NSDHL: variants seen among roughly 807,000 people sequenced by gnomAD.
NSDHL encodes the protein NAD(P) dependent 3-beta-hydroxysteroid dehydrogenase NSDHL, also known as sterol-4-alpha-carboxylate 3-dehydrogenase, decarboxylating.
NSDHL carries 1 observed loss-of-function variant against 23.0 expected under a neutral mutation model. That is an observed-to-expected ratio of 0.04 (90% CI 0.02 to 0.21). The LOEUF (loss-of-function observed/expected upper bound fraction) is 0.21, where lower values mean the gene tolerates loss of function less well. NSDHL is among the 10% of genes least tolerant of loss of function. The pLI is 1.00. For synonymous variants in NSDHL, 128 were observed against 121.1 expected (o/e 1.06, Z -0.37); for missense variants, 237 against 300.9 (o/e 0.79, Z 1.57).
At position 152,847,311 on chromosome X, in the gene NSDHL, C is replaced by CAAACA. The variant is rs782651921; in HGVS notation, c.108+897_108+901dup. On this transcript the variant is annotated intron_variant, in intron 2 of 7. Transcript: ENST00000370274. ...GAGCGAGACTCTGTCTCAAAACAAA[C>CAAACA]AAACAAAACAAAACAAAACAAACAA... is the stretch of plus-strand genomic sequence containing the variant. Among the ~76,000 whole-genome samples, 7 of 111,789 alleles carry CAAACA rather than the reference C, an allele frequency of 6.3e-5. No individual in the cohort carries two copies. The South Asian group carries it at 1.5e-3, about 24-fold the overall frequency.
intron 4 of NSDHL, among the ~76,000 whole-genome samples, chrX:152,861,557 C>G (rs1556847532): frequency 8.8e-6 from 1 of 113,054 alleles, no homozygotes. Context: ...CCAGCTGAGA[C>G]TGCTGTTGTA....
rs188480335 is a variant in NSDHL at position 152,834,982 on chromosome X, A to C, written c.-44+3865A>C. Among the ~76,000 whole-genome samples the C allele has an allele frequency of 7.6e-4, 81 of 106,153 alleles. 1 individual carries two copies. The East Asian group carries it at 0.022, about 29-fold the overall frequency. The allele number at this position is 106,153 out of a possible 115,157, so 92.2% of individuals were successfully genotyped here. Reference sequence around the variant, plus strand: ...GCTCCGACAACCTTTCCCCTTTACAAAGATGTCACACTTCTTTCTAGAAGG... The same window carrying C: ...GCTCCGACAACCTTTCCCCTTTACACAGATGTCACACTTCTTTCTAGAAGG... On this transcript the variant is annotated intron_variant, in intron 1 of 7. Coordinates refer to ENST00000370274, the MANE Select transcript of NSDHL (RefSeq NM_015922.3).
intron 3 of NSDHL, among the ~76,000 whole-genome samples, chrX:152,853,090 C>T (rs782757521): frequency 1.9e-4 from 20 of 107,649 alleles, no homozygotes; most frequent in Middle Eastern, 9.7e-3. Flanking sequence ...CTGATGTGCT[C>T]CCTGCTTGTT....
intron 1 of NSDHL, among the ~76,000 whole-genome samples, chrX:152,832,294 G>A (rs1309934805): frequency 3.6e-5 from 4 of 111,879 alleles, no homozygotes; most frequent in African/African-American, 1.3e-4. Context: ...CTGACCTACT[G>A]TATATTTTGC....
At chrX:152,855,028 G>A (rs183753805) in intron 3 of NSDHL, among the ~76,000 whole-genome samples, 1 of 100,537 alleles carries the variant, frequency 9.9e-6, no homozygotes, top group East Asian at 3.1e-4. Context: ...GGAGTCTTGC[G>A]CTGTCGCCCA....
chrX:152,835,989 C>T (rs1556844039), intron 1 of NSDHL, among the ~76,000 whole-genome samples: 1 of 112,190 alleles, frequency 8.9e-6, no homozygotes, highest in African/African-American at 3.2e-5. Context: ...TTAAAGATCG[C>T]CATTCTAACT....
At chrX:152,836,019 T>C (rs1331150585) in intron 1 of NSDHL, among the ~76,000 whole-genome samples, 4 of 112,467 alleles carry the variant, frequency 3.6e-5, no homozygotes, top group African/African-American at 1.3e-4. Flanking sequence ...TGGTATCTCA[T>C]TGTGGTTTTG....
Position 152,869,015 on chromosome X carries a change from G to A in NSDHL, c.1021G>A (p.Glu341Lys), listed in dbSNP as rs782208947. The change falls in exon 8 of 8, where the codon GAG becomes AAG. Residue 341 changes from glutamate to lysine, a missense_variant. By Grantham distance (56) the Glu-to-Lys change is moderately conservative. Around this residue, in one of 3 missense-constraint regions of NSDHL, gnomAD observed 117 missense variants for 99.5 expected, o/e 1.18. Coordinates refer to ENST00000370274, the MANE Select transcript of NSDHL (RefSeq NM_015922.3). The stretch of plus-strand genomic sequence containing the variant: ...TGGCACATTCCACTACTACAGCTGC[G>A]AGAGAGCCAAAAAGGCCATGGGCTA... ...LAGTFHYYSC[E>K]RAKKAMGYQP... 3 of 1,211,645 alleles carry A rather than the reference G, an allele frequency of 2.5e-6. No individual in the cohort carries two copies. The highest frequency in any genetic ancestry group is 2.3e-4 in the Middle Eastern group (1 of 4,355).
At chrX:152,832,037 A>G (rs782110262) in intron 1 of NSDHL, among the ~76,000 whole-genome samples, 1 of 111,314 alleles carries the variant, frequency 9.0e-6, no homozygotes, top group African/African-American at 3.3e-5. Context: ...TGTGATCTCC[A>G]AAGCTTGGCA....
intron 4 of NSDHL, among the ~76,000 whole-genome samples, chrX:152,859,954 T>G (rs1433159212): frequency 3.6e-5 from 4 of 112,532 alleles, no homozygotes; most frequent in East Asian, 2.8e-4. Context: ...GTTCTTAGAA[T>G]TGTCTTTAGA....
chrX:152,868,976 C>T lies in NSDHL; in HGVS notation c.982C>T (p.Arg328Trp). ...IQLQPTFTPM[R>W]VALAGTFHYY... is the part of the protein sequence containing the mutation. ...GCTGCAGCCCACCTTCACACCCATG[C>T]GGGTCGCACTGGCTGGCACATTCCA... The change falls in exon 8 of 8, where the codon CGG (arginine) becomes TGG (tryptophan). Residue 328 changes from arginine (R) to tryptophan (W), a missense_variant. Arg to Trp is a moderately radical substitution (Grantham distance 101, BLOSUM62 -3). Transcript: ENST00000370274. 1.7e-6 allele frequency: 2 copies of T among 1,211,811 alleles called. No homozygotes were observed. Among genetic ancestry groups the T allele is most frequent in the Non-Finnish European group, 2.2e-6 (2 of 895,408 alleles).
chrX:152,850,450 T>C (rs907210086), intron 3 of NSDHL, 27 bp downstream of exon 3: 5 of 1,200,288 alleles, frequency 4.2e-6, no homozygotes, highest in Middle Eastern at 2.4e-4. Flanking sequence ...CCTTGCTGAT[T>C]TCCCACGAGC....
At position 152,869,052 on chromosome X, in the gene NSDHL, T is replaced by C. The variant is rs2125017673; in HGVS notation, c.1058T>C (p.Val353Ala). 8.3e-7 allele frequency: 1 copy of C among 1,212,056 alleles called. No individual in the cohort carries two copies. Among genetic ancestry groups the C allele is most frequent in the Non-Finnish European group, 1.1e-6 (1 of 895,465 alleles). ...AAGGCCATGGGCTACCAGCCACTAG[T>C]GACCATGGATGATGCTATGGAGAGG... ...AKKAMGYQPL[V>A]TMDDAMERTV... is the part of the protein sequence containing the mutation. The change falls in exon 8 of 8, where the codon GTG becomes GCG. Residue 353 changes from valine (V) to alanine (A), a missense_variant. Physicochemically the swap from Val to Ala is moderately conservative, Grantham distance 64 (BLOSUM62 0). Coordinates refer to ENST00000370274, the MANE Select transcript of NSDHL (RefSeq NM_015922.3).
At chrX:152,858,093 G>T (rs1311158475) in intron 3 of NSDHL, among the ~76,000 whole-genome samples, 1 of 111,667 alleles carries the variant, frequency 9.0e-6, no homozygotes, top group Non-Finnish European at 1.9e-5. Context: ...TTTTATTCTT[G>T]CTTGTGGTCA....
chrX:152,840,773 T>A (rs138219687), intron 1 of NSDHL, among the ~76,000 whole-genome samples: 3,065 of 112,610 alleles, frequency 0.027, 97 homozygotes, highest in African/African-American at 0.093. Flanking sequence ...AGGGACCCAC[T>A]TGAGGAGCAG....
At chrX:152,866,422 G>A (rs73641509) in intron 6 of NSDHL, among the ~76,000 whole-genome samples, 9,285 of 112,771 alleles carry the variant, frequency 0.082, 392 homozygotes, top group African/African-American at 0.16. Flanking sequence ...GACCTTGTCC[G>A]CTGTCCTCTG....
intron 4 of NSDHL, among the ~76,000 whole-genome samples, chrX:152,861,914 G>T (rs890347211): frequency 9.1e-6 from 1 of 109,787 alleles, no homozygotes; most frequent in Admixed American, 9.6e-5. Flanking sequence ...ATCTGTAAGC[G>T]ATGGAAGTTC....
intron 3 of NSDHL, among the ~76,000 whole-genome samples, chrX:152,857,697 A>G (rs188827432): frequency 2.7e-5 from 3 of 112,170 alleles, no homozygotes; most frequent in Non-Finnish European, 3.8e-5. Context: ...GAATTTGAAT[A>G]TAGACTAATT....
rs1048390257 is a variant in NSDHL, at chrX:152,853,423, C to T, written c.267+3000C>T. Among the ~76,000 whole-genome samples, 6 of 111,284 alleles carry T rather than the reference C, an allele frequency of 5.4e-5. No homozygotes were observed. The Admixed American group carries it at 5.7e-4, about 11-fold the overall frequency. Reference sequence around the variant, plus strand: ...CATCCATCAGGAAATCTTGTTGGCTCCACTCAGAATAGATCCCCAATCCAA... The same window carrying T: ...CATCCATCAGGAAATCTTGTTGGCTTCACTCAGAATAGATCCCCAATCCAA... On this transcript the variant is annotated intron_variant, in intron 3 of 7. Coordinates refer to ENST00000370274, the MANE Select transcript of NSDHL (RefSeq NM_015922.3).
Sources: gnomAD v4.1 joint callset for allele counts (sites outside exome capture counted in the v4.1 genomes callset) on GRCh38, gnomAD v4.1.1 for gene constraint, gnomAD v4.1.1 regional missense constraint, MANE v1.5 for transcripts, NCBI Gene and HGNC (gene_info 2026-07-23, HGNC 2026-07-21) for gene names.